The following HR variants were observed in gnomAD, a reference collection of about 807,000 sequenced individuals.
HR encodes the protein lysine-specific demethylase hairless.
A neutral mutation model predicts 128.6 loss-of-function variants in HR; 83 were observed. The observed-to-expected ratio is 0.65, with a 90% CI of 0.54 to 0.77. The LOEUF (loss-of-function observed/expected upper bound fraction) is 0.77, where lower values mean the gene tolerates loss of function less well. Ranked by LOEUF, HR falls within the 30% of genes least tolerant of loss-of-function variation. The pLI, the probability that HR is intolerant of heterozygous loss-of-function variation, is 0.00. For synonymous variants in HR, 681 were observed against 658.2 expected, an observed-to-expected ratio of 1.03 and a Z score of -0.53; for missense variants, 1,490 against 1,574.6, an observed-to-expected ratio of 0.95 and a Z score of 0.91.
At chr8:22,120,228 C>A in intron 12 of HR, 55 bp from the exon 13 acceptor site, 1 of 1,598,424 alleles carries the variant, frequency 6.3e-7, no homozygotes. Context: ...GCCCCTGCCC[C>A]GGCGGCAGCA....
At chr8:22,122,734 G>T in intron 7 of HR, 56 bp downstream of exon 7, 1 of 1,511,598 alleles carries the variant, frequency 6.6e-7, no homozygotes, top group Non-Finnish European at 9.0e-7. Context: ...CAGACGGGAA[G>T]CTGGTCTCCC....
Position 22,119,014 on chromosome 8 carries a change from A to G in HR, c.3149T>C (p.Val1050Ala). Reference sequence around the variant, plus strand: ...CCGGAACACGTGCCACACAGTGCTGACCTGGCTGCCCGGAGACCAGAGCCC... The same window carrying G: ...CCGGAACACGTGCCACACAGTGCTGGCCTGGCTGCCCGGAGACCAGAGCCC... ...GEGLWSPGSQ[V>A]STVWHVFRAQ... The change falls in exon 16 of 19, where the codon GTC becomes GCC. Residue 1050 changes from valine to alanine, a missense_variant. By Grantham distance (64) the Val-to-Ala change is moderately conservative. Coordinates refer to ENST00000381418, the MANE Select transcript of HR (RefSeq NM_005144.5). 1 of 1,613,108 alleles carries G rather than the reference A, an allele frequency of 6.2e-7. No individual in the cohort carries two copies. Among genetic ancestry groups the G allele is most frequent in the South Asian group, 1.1e-5 (1 of 91,074 alleles).
chr8:22,123,616 A>AGGGGGGCCC (rs1563180402), intron 6 of HR, 33 bp downstream of exon 6: 2 of 562,344 alleles, frequency 3.6e-6, no homozygotes, highest in Non-Finnish European at 3.0e-6. Context: ...TGAGGGCTCC[A>AGGGGGGCCC]TCCCGCCCTC....
At chr8:22,124,289 G>A (rs1248819914) in intron 5 of HR, among the ~76,000 whole-genome samples, 1 of 152,202 alleles carries the variant, frequency 6.6e-6, no homozygotes, top group Non-Finnish European at 1.5e-5. Flanking sequence ...GAGTACAGTG[G>A]TGTGATTACA....
rs34617123 is a variant in HR at position 22,122,049 on chromosome 8, CTA to C, written c.2122-357_2122-356del. Among the ~76,000 whole-genome samples, 178 of 152,302 alleles carry C rather than the reference CTA, an allele frequency of 1.2e-3. 2 individuals are homozygous for C. The highest frequency in any genetic ancestry group is 4.2e-3 in the African/African-American group (174 of 41,574). On this transcript the variant is annotated intron_variant, in intron 8 of 18. Transcript: ENST00000381418. The stretch of plus-strand genomic sequence containing the variant: ...TGGAACCCAAAATGCATTCAATGAA[CTA>C]TTTATTTTGAATGGATGACTTTTAT...
chr8:22,115,609 G>A lies in HR; in HGVS notation c.*91C>T, dbSNP rs916707520. On this transcript the variant is annotated 3_prime_UTR_variant, in exon 19 of 19. Coordinates refer to ENST00000381418, the MANE Select transcript of HR (RefSeq NM_005144.5). ...TGTGGGGTTGACCAGAAATCCCCAA[G>A]TCCCCTAGCGCCATCCCCTGCTGAA... 7 of 1,092,920 alleles carry A rather than the reference G, an allele frequency of 6.4e-6. No homozygotes were observed. In the Admixed American group the frequency reaches 7.2e-5, roughly 11 times the overall value. 67.7% of individuals were successfully genotyped at this position (1,092,920 alleles called of 1,614,324 possible). A position where few individuals can be genotyped will look rare whatever the true frequency, so the allele number is the denominator to read the frequency against.
chr8:22,120,342 G>T lies in HR; in HGVS notation c.2776C>A (p.Leu926Ile). Residue 926 changes from leucine (L) to isoleucine (I), a missense_variant and splice_region_variant, in exon 12 of 19, where the codon CTT becomes ATT. Physicochemically the swap from Leu to Ile is conservative, Grantham distance 5 (BLOSUM62 2). This residue lies in a region of HR where 423 missense variants were observed against 495.9 expected (regional missense o/e 0.85). Coordinates refer to ENST00000381418, the MANE Select transcript of HR (RefSeq NM_005144.5). ...TFWEGFSWPE[L>I]RPKSDEGSVL... ...TCTCCCCTGTGTTGGGGACACTTAC[G>T]CTCAGGCCAGGAGAAGCCCTCCCAG... 6.2e-7 allele frequency: 1 copy of T among 1,613,740 alleles called. No homozygotes were observed. Among genetic ancestry groups the T allele is most frequent in the Non-Finnish European group, 8.5e-7 (1 of 1,180,010 alleles).
rs1476358266 is a variant in HR, at chr8:22,120,345, C to T, written c.2773G>A (p.Glu925Lys). 1 of 1,613,796 alleles carries T rather than the reference C, an allele frequency of 6.2e-7. No individual in the cohort carries two copies. Among genetic ancestry groups the T allele is most frequent in the East Asian group, 2.2e-5 (1 of 44,874 alleles). The change falls in exon 12 of 19, where the codon GAG becomes AAG. Residue 925 changes from glutamate to lysine, a missense_variant. Glu to Lys is a moderately conservative substitution (Grantham distance 56, BLOSUM62 1). Coordinates refer to ENST00000381418, the MANE Select transcript of HR (RefSeq NM_005144.5). ...TTFWEGFSWPELRPKSDEGSV... is the reference protein window; with the variant it reads ...TTFWEGFSWPKLRPKSDEGSV... ...CCCCTGTGTTGGGGACACTTACGCTCAGGCCAGGAGAAGCCCTCCCAGAAT... is the reference window on the plus strand; with the variant it reads ...CCCCTGTGTTGGGGACACTTACGCTTAGGCCAGGAGAAGCCCTCCCAGAAT...
In HR at chr8:22,118,984, T is replaced by A; in HGVS notation, c.3179A>T (p.Gln1060Leu). Residue 1060 changes from glutamine to leucine, a missense_variant, in exon 16 of 19, where the codon CAG becomes CTG. Gln to Leu is a moderately radical substitution (Grantham distance 113). Around this residue, in one of 3 missense-constraint regions of HR, gnomAD observed 423 missense variants for 495.9 expected, o/e 0.85. Coordinates refer to ENST00000381418, the MANE Select transcript of HR (RefSeq NM_005144.5). Reference protein sequence around the residue: ...VSTVWHVFRAQDAQRIRRFLQ... With the variant: ...VSTVWHVFRALDAQRIRRFLQ... ...AAAGCGGCGGATGCGCTGGGCGTCC[T>A]GTGCCCGGAACACGTGCCACACAGT... is the stretch of plus-strand genomic sequence containing the variant. The A allele has an allele frequency of 6.2e-7, 1 of 1,612,542 alleles. No individual in the cohort carries two copies. Among genetic ancestry groups the A allele is most frequent in the Non-Finnish European group, 8.5e-7 (1 of 1,179,990 alleles).
Position 22,119,021 on chromosome 8 carries a change from TGCCCGGAGACCAGA to T in HR, c.3128_3141del (p.Leu1043GlnfsTer97). On this transcript the variant is annotated frameshift_variant, in exon 16 of 19. Transcript: ENST00000381418. LOFTEE classifies it high-confidence loss of function. ...ACGTGCCACACAGTGCTGACCTGGCTGCCCGGAGACCAGAGCCCCTCCCCGTCCAGGCCTGAAAG... is the reference window on the plus strand; with the variant it reads ...ACGTGCCACACAGTGCTGACCTGGCTGCCCCTCCCCGTCCAGGCCTGAAAG... 1 of 1,613,210 alleles carries T rather than the reference TGCCCGGAGACCAGA, an allele frequency of 6.2e-7. No individual in the cohort carries two copies. The highest frequency in any genetic ancestry group is 8.5e-7 in the Non-Finnish European group (1 of 1,179,958).
Position 22,121,142 on chromosome 8 carries a change from A to G in HR, c.2290T>C (p.Ser764Pro). The change falls in exon 10 of 19, where the codon TCT becomes CCT. Residue 764 changes from serine to proline, a missense_variant. Physicochemically the swap from Ser to Pro is moderately conservative, Grantham distance 74. Coordinates refer to ENST00000381418, the MANE Select transcript of HR (RefSeq NM_005144.5). ...PCPSLCELLA[S>P]TAVKLCLGHE... The stretch of plus-strand genomic sequence containing the variant: ...CCCAAGCAGAGTTTGACCGCGGTAG[A>G]AGCCAGCAGTTCGCAGAGAGAAGGA... The G allele has an allele frequency of 6.2e-7, 1 of 1,613,932 alleles. No individual in the cohort carries two copies. The highest frequency in any genetic ancestry group is 8.5e-7 in the Non-Finnish European group (1 of 1,180,020).
Position 22,120,085 on chromosome 8 carries a change from C to T in HR, c.2846+19G>A. ...TGCGGTGGCGGGGAGGTAGGGCTGG[C>T]CCTTGGTGACATACACACCTGCTGG... On this transcript the variant is annotated intron_variant, in intron 13 of 18. Coordinates refer to ENST00000381418, the MANE Select transcript of HR (RefSeq NM_005144.5). 1 of 1,577,786 alleles carries T rather than the reference C, an allele frequency of 6.3e-7. No individual in the cohort carries two copies. The highest frequency in any genetic ancestry group is 8.6e-7 in the Non-Finnish European group (1 of 1,162,462).
chr8:22,120,327 G>C lies in HR; in HGVS notation c.2776+15C>G. The C allele has an allele frequency of 6.2e-7, 1 of 1,613,758 alleles. No individual in the cohort carries two copies. The highest frequency in any genetic ancestry group is 1.1e-5 in the South Asian group (1 of 91,086). On this transcript the variant is annotated intron_variant, in intron 12 of 18. Transcript: ENST00000381418. ...GGGCTCCCAGCTCCCTCTCCCCTGT[G>C]TTGGGGACACTTACGCTCAGGCCAG...
Position 22,117,011 on chromosome 8 carries a change from T to G in HR, c.3242A>C (p.Glu1081Ala). 6.6e-7 allele frequency: 1 copy of G among 1,520,682 alleles called. No homozygotes were observed. Among genetic ancestry groups the G allele is most frequent in the Non-Finnish European group, 8.8e-7 (1 of 1,138,950 alleles). 94.2% of individuals were successfully genotyped at this position (1,520,682 alleles called of 1,614,324 possible). A position where few individuals can be genotyped will look rare whatever the true frequency, so the allele number is the denominator to read the frequency against. The change falls in exon 17 of 19, where the codon GAG becomes GCG. Residue 1081 changes from glutamate (E) to alanine (A), a missense_variant. By Grantham distance (107) the Glu-to-Ala change is moderately radical. This residue lies in a region of HR where 423 missense variants were observed against 495.9 expected (regional missense o/e 0.85). Transcript: ENST00000381418. ...GTAGCAGCTGCCTGGGGCGCCAGGC[T>G]CCAGGGCGCCTGCCCCGGCCGGGCA... is the stretch of plus-strand genomic sequence containing the variant. ...MVCPAGAGALEPGAPGSCYLD... is the reference protein window; with the variant it reads ...MVCPAGAGALAPGAPGSCYLD...
intron 2 of HR, chr8:22,128,149 A>G (rs1421356510): frequency 1.9e-6 from 1 of 521,182 alleles, no homozygotes; most frequent in East Asian, 3.5e-5. Flanking sequence ...GTGTTTTAAC[A>G]TCTCATCCCT....
Position 22,127,239 on chromosome 8 carries a change from C to T in HR, c.1203G>A (p.Glu401=), listed in dbSNP as rs1241210007. The part of the protein sequence containing the change: ...FECPRGCPEV[E]ERPVARLRAL... ...CCCGGAGCCGAGCAACCGGCCTCTC[C>T]TCGACCTCAGGGCAGCCGCGTGGAC... The change falls in exon 3 of 19, where the codon GAG becomes GAA. Residue 401 remains glutamate (E), a synonymous_variant. Coordinates refer to ENST00000381418, the MANE Select transcript of HR (RefSeq NM_005144.5). 1 of 1,613,126 alleles carries T rather than the reference C, an allele frequency of 6.2e-7. No homozygotes were observed. The highest frequency in any genetic ancestry group is 8.5e-7 in the Non-Finnish European group (1 of 1,180,026).
At position 22,128,681 on chromosome 8, in the gene HR, GC is replaced by G; in HGVS notation, c.489del (p.Leu163PhefsTer5). On this transcript the variant is annotated frameshift_variant, in exon 2 of 19. Transcript: ENST00000381418. LOFTEE classifies it high-confidence loss of function. ...GGCAGGCCAGACACTAGGTAGGGTG[GC>G]AAGCAGGTGGGCACCCAGAAGGGAG... Reference protein sequence around the residue: ...ERAPFWVPTCLPPYLVSGLPP... With the variant: ...ERAPFWVPTCXPPYLVSGLPP... 1.3e-6 allele frequency: 2 copies of G among 1,585,180 alleles called. No homozygotes were observed. Among genetic ancestry groups the G allele is most frequent in the Admixed American group, 1.9e-5 (1 of 54,034 alleles).
rs1319785980 is a variant in HR, at chr8:22,123,634, C to T, written c.1915+15G>A. On this transcript the variant is annotated intron_variant, in intron 6 of 18. Coordinates refer to ENST00000381418, the MANE Select transcript of HR (RefSeq NM_005144.5). ...GGGCTCCATCCCGCCCTCCCACCCC[C>T]AGCCCCTCTCCTACCTGCTTTCTCC... 2 of 1,470,830 alleles carry T rather than the reference C, an allele frequency of 1.4e-6. No individual in the cohort carries two copies. The highest frequency in any genetic ancestry group is 1.8e-6 in the Non-Finnish European group (2 of 1,095,974). The allele number at this position is 1,470,830 out of a possible 1,614,324, so 91.1% of individuals were successfully genotyped here.
In HR at chr8:22,125,772, G is replaced by C. The variant is rs372110905; in HGVS notation, c.1406-40C>G. ...CAGAGGTCAGGAATCTGGGTTTCTT[G>C]GGCTGCTGAGAACCCCATTCCTCAC... On this transcript the variant is annotated intron_variant, in intron 3 of 18. Coordinates refer to ENST00000381418, the MANE Select transcript of HR (RefSeq NM_005144.5). 643 of 1,609,492 alleles carry C rather than the reference G, an allele frequency of 4.0e-4. 1 individual carries two copies. The highest frequency in any genetic ancestry group is 5.2e-4 in the Non-Finnish European group (615 of 1,178,600).
Sources: gnomAD v4.1 joint callset for allele counts (sites outside exome capture counted in the v4.1 genomes callset) on GRCh38, gnomAD v4.1.1 for gene constraint, gnomAD v4.1.1 regional missense constraint, MANE v1.5 for transcripts, NCBI Gene and HGNC (gene_info 2026-07-23, HGNC 2026-07-21) for gene names.